PTPRD: variants seen among roughly 807,000 people sequenced by gnomAD.
PTPRD encodes the protein protein tyrosine phosphatase receptor type D.
Under a neutral mutation model 214.5 loss-of-function variants are expected in PTPRD, and 34 were observed. That is an observed-to-expected ratio of 0.16 (90% CI 0.12 to 0.21). PTPRD has a LOEUF of 0.21. Among genes scored for constraint, PTPRD ranks in the 10% least tolerant of loss-of-function variants. The probability of loss-of-function intolerance (pLI) is 1.00; values close to 1 mark genes in which losing one functional copy is unlikely to be tolerated. For missense variants in PTPRD, 2,545 were observed against 2,398.7 expected, an observed-to-expected ratio of 1.06 and a Z score of -1.27; for synonymous variants, 1,128 against 845.7, an observed-to-expected ratio of 1.33 and a Z score of -5.79.
chr9:10,083,709 T>C (rs1357776923), intron 3 of PTPRD, among the ~76,000 whole-genome samples: 1 of 151,890 alleles, frequency 6.6e-6, no homozygotes, highest in Non-Finnish European at 1.5e-5. Flanking sequence ...GGAAGATAAT[T>C]TTTTCTATGG....
chr9:10,004,976 A>T (rs1214665564), intron 4 of PTPRD, among the ~76,000 whole-genome samples: 1 of 152,156 alleles, frequency 6.6e-6, no homozygotes, highest in African/African-American at 2.4e-5. Flanking sequence ...GTCCAACTGT[A>T]AATGCTAGTT....
chr9:8,642,775 G>T (rs181667108), intron 12 of PTPRD, among the ~76,000 whole-genome samples: 95 of 152,228 alleles, frequency 6.2e-4, no homozygotes, highest in African/African-American at 2.0e-3. Flanking sequence ...GCAAACATGG[G>T]GCATCCAGAG....
intron 2 of PTPRD, among the ~76,000 whole-genome samples, chr9:10,495,127 G>C (rs1407105501): frequency 6.6e-6 from 1 of 151,744 alleles, no homozygotes; most frequent in African/African-American, 2.4e-5. Flanking sequence ...TAGGAAAGAA[G>C]TTTATTTGTC....
At chr9:8,441,541 T>C (rs1056145362) in intron 34 of PTPRD, among the ~76,000 whole-genome samples, 29 of 152,066 alleles carry the variant, frequency 1.9e-4, no homozygotes, top group African/African-American at 6.3e-4. Context: ...AACTAGATTA[T>C]GGCCTTTGTT....
chr9:8,440,860 G>T (rs1181225993), intron 34 of PTPRD, among the ~76,000 whole-genome samples: 1 of 152,178 alleles, frequency 6.6e-6, no homozygotes, highest in African/African-American at 2.4e-5. Context: ...GCACCTTAGA[G>T]ATGACTTAGT....
At chr9:8,911,419 G>GT (rs1566958639) in intron 11 of PTPRD, among the ~76,000 whole-genome samples, 147 of 148,224 alleles carry the variant, frequency 9.9e-4, no homozygotes, top group African/African-American at 3.2e-3. Flanking sequence ...TGTGTGTTGT[G>GT]TGTGTGTGTG....
chr9:9,408,003 G>T (rs2074112530), intron 8 of PTPRD, among the ~76,000 whole-genome samples: 1 of 151,740 alleles, frequency 6.6e-6, no homozygotes, highest in African/African-American at 2.4e-5. Context: ...GAGGCAATCT[G>T]CCTGTGGGGT....
At chr9:9,485,989 A>G (rs2095613571) in intron 8 of PTPRD, among the ~76,000 whole-genome samples, 2 of 151,816 alleles carry the variant, frequency 1.3e-5, no homozygotes, top group Non-Finnish European at 2.9e-5. Flanking sequence ...CTTTTCTACT[A>G]AAAATACAAA....
chr9:9,383,206 G>C (rs2062851577), intron 9 of PTPRD, among the ~76,000 whole-genome samples: 2 of 151,896 alleles, frequency 1.3e-5, no homozygotes, highest in African/African-American at 2.4e-5. Flanking sequence ...CATTTCCAGA[G>C]TTATTCTCCA....
intron 10 of PTPRD, among the ~76,000 whole-genome samples, chr9:9,096,515 G>A (rs1210031476): frequency 1.3e-5 from 2 of 152,076 alleles, no homozygotes; most frequent in Admixed American, 1.3e-4. Context: ...ACAATTAGAT[G>A]TTAACCTGTA....
At chr9:10,076,662 T>C (rs947995083) in intron 3 of PTPRD, among the ~76,000 whole-genome samples, 2 of 152,090 alleles carry the variant, frequency 1.3e-5, no homozygotes, top group African/African-American at 2.4e-5. Flanking sequence ...GTGACCATCA[T>C]GTACTCATGG....
At chr9:10,240,905 A>G (rs1242197748) in intron 3 of PTPRD, among the ~76,000 whole-genome samples, 2 of 151,846 alleles carry the variant, frequency 1.3e-5, no homozygotes, top group African/African-American at 4.8e-5. Flanking sequence ...TTGCTCATTA[A>G]AAGATACATT....
In PTPRD at chr9:8,407,257, T is replaced by C. The variant is rs143763181; in HGVS notation, c.4087-2597A>G. ...AAAATACGTGCTAGGTCATTATGCT[T>C]TATATGAAGAATTATGCTTGATTTT... On this transcript the variant is annotated intron_variant, in intron 35 of 45. Transcript: ENST00000381196. Among the ~76,000 whole-genome samples, 346 of 152,302 alleles carry C rather than the reference T, an allele frequency of 2.3e-3. 2 individuals carry two copies. The highest frequency in any genetic ancestry group is 7.9e-3 in the African/African-American group (329 of 41,554).
chr9:9,641,086 A>ATTT (rs2095930062), intron 7 of PTPRD, among the ~76,000 whole-genome samples: 1 of 152,008 alleles, frequency 6.6e-6, no homozygotes. Context: ...TGAAAGCTAT[A>ATTT]GCTTTAAATA....
At chr9:9,606,961 C>A (rs1424221378) in intron 7 of PTPRD, among the ~76,000 whole-genome samples, 3 of 67,718 alleles carry the variant, frequency 4.4e-5, no homozygotes, top group Non-Finnish European at 7.4e-5. Flanking sequence ...TTACTCAGCA[C>A]TGCTAAAAAA....
chr9:9,593,819 C>A (rs1473658437), intron 7 of PTPRD, among the ~76,000 whole-genome samples: 1 of 151,978 alleles, frequency 6.6e-6, no homozygotes, highest in Non-Finnish European at 1.5e-5. Flanking sequence ...AAGAAATCAT[C>A]CCTTCTTCAA....
chr9:9,693,978 C>A (rs148924959), intron 7 of PTPRD, among the ~76,000 whole-genome samples: 2 of 152,082 alleles, frequency 1.3e-5, no homozygotes, highest in Non-Finnish European at 2.9e-5. Context: ...TAAATTTATC[C>A]GACAGAATTG....
rs72696673 is a variant in PTPRD at position 8,568,266 on chromosome 9, T to C, written c.353-39487A>G. Reference sequence around the variant, plus strand: ...GGGAGTTATTCTTTGGGTCTCCAAATCTCAAAGACATTAAACCAGGACCAA... The same window carrying C: ...GGGAGTTATTCTTTGGGTCTCCAAACCTCAAAGACATTAAACCAGGACCAA... On this transcript the variant is annotated intron_variant, in intron 14 of 45. Coordinates refer to ENST00000381196, the MANE Select transcript of PTPRD (RefSeq NM_002839.4). 2.5e-3 allele frequency among the ~76,000 whole-genome samples: 380 copies of C among 152,234 alleles called. 1 individual carries two copies. Among genetic ancestry groups the C allele is most frequent in the Middle Eastern group, 6.8e-3 (2 of 294 alleles).
chr9:10,548,756 C>G (rs1474207464), intron 2 of PTPRD, among the ~76,000 whole-genome samples: 1 of 152,054 alleles, frequency 6.6e-6, no homozygotes, highest in East Asian at 1.9e-4. Context: ...TCTTAGAATG[C>G]TGGGAGATGT....
Sources: allele counts gnomAD v4.1 joint callset (sites outside exome capture counted in the v4.1 genomes callset), GRCh38; gene constraint gnomAD v4.1.1; transcripts MANE v1.5; gene names NCBI Gene and HGNC (gene_info 2026-07-23, HGNC 2026-07-21).